The following CACNG3 variants were observed in gnomAD, a reference collection of about 807,000 sequenced individuals.
CACNG3 encodes the protein calcium voltage-gated channel auxiliary subunit gamma 3.
A neutral mutation model predicts 28.5 loss-of-function variants in CACNG3; 3 were observed. The ratio of observed to expected loss-of-function variants is 0.11; its 90% CI spans 0.05 to 0.27. The LOEUF (loss-of-function observed/expected upper bound fraction) is 0.27. Among genes scored for constraint, CACNG3 ranks in the 10% least tolerant of loss-of-function variants. The probability of loss-of-function intolerance (pLI) is 1.00; values close to 1 mark genes in which losing one functional copy is unlikely to be tolerated. For synonymous variants in CACNG3, 174 were observed against 162.2 expected, an observed-to-expected ratio of 1.07 and a Z score of -0.55; for missense variants, 236 against 414.4, an observed-to-expected ratio of 0.57 and a Z score of 3.74.
At chr16:24,327,420 A>ATGTGTGTGTG (rs1182421550) in intron 1 of CACNG3, among the ~76,000 whole-genome samples, 4 of 57,120 alleles carry the variant, frequency 7.0e-5, no homozygotes, top group African/African-American at 2.8e-4. Flanking sequence ...ACGAATATAT[A>ATGTGTGTGTG]TATGTGTGTG....
intron 2 of CACNG3, among the ~76,000 whole-genome samples, chr16:24,352,530 GTTGT>G (rs60365846): frequency 0.35 from 52,721 of 150,748 alleles, 10,778 homozygotes; most frequent in South Asian, 0.55. Flanking sequence ...TTTTGTTGTT[GTTGT>G]TTGTTTGTTT....
intron 1 of CACNG3, among the ~76,000 whole-genome samples, chr16:24,297,457 C>T (rs1899047043): frequency 6.6e-6 from 1 of 151,962 alleles, no homozygotes; most frequent in East Asian, 1.9e-4. Flanking sequence ...AACCAAAACC[C>T]TCTCACCTTA....
intron 1 of CACNG3, among the ~76,000 whole-genome samples, chr16:24,295,573 G>A (rs1899020917): frequency 6.6e-6 from 1 of 152,214 alleles, no homozygotes; most frequent in Non-Finnish European, 1.5e-5. Flanking sequence ...AATGCCAGGT[G>A]TGGTGGCTCA....
intron 1 of CACNG3, among the ~76,000 whole-genome samples, chr16:24,290,692 G>A (rs73554478): frequency 0.013 from 2,004 of 152,224 alleles, 38 homozygotes; most frequent in African/African-American, 0.046. Context: ...ACCTACCTTG[G>A]CCTCCCAAAG....
At chr16:24,360,875 C>A (rs991570848) in intron 3 of CACNG3, among the ~76,000 whole-genome samples, 6 of 152,194 alleles carry the variant, frequency 3.9e-5, no homozygotes, top group Admixed American at 3.9e-4. Context: ...GGTTCTTAGT[C>A]TTTCTCTCTC....
intron 1 of CACNG3, among the ~76,000 whole-genome samples, chr16:24,281,326 G>A (rs1468707575): frequency 6.6e-6 from 1 of 151,962 alleles, no homozygotes. Flanking sequence ...CTCTGGAGTA[G>A]CCAGGGAACT....
intron 1 of CACNG3, among the ~76,000 whole-genome samples, chr16:24,301,061 A>T (rs1899102791): frequency 6.6e-6 from 1 of 150,618 alleles, no homozygotes; most frequent in South Asian, 2.1e-4. Flanking sequence ...AAAAAAAAAA[A>T]TTAGTCTGGC....
intron 1 of CACNG3, among the ~76,000 whole-genome samples, chr16:24,286,774 G>A (rs1476341886): frequency 1.3e-5 from 2 of 152,194 alleles, no homozygotes; most frequent in South Asian, 2.1e-4. Context: ...TCAAAGTGAC[G>A]CAACTGGTAG....
intron 1 of CACNG3, among the ~76,000 whole-genome samples, chr16:24,297,987 C>CTG (rs55859502): frequency 0.02 from 3,005 of 149,142 alleles, 62 homozygotes; most frequent in African/African-American, 0.052. Context: ...TTCAAAAGAT[C>CTG]TGTGTGTGTG....
intron 1 of CACNG3, among the ~76,000 whole-genome samples, chr16:24,271,482 AC>A (rs1221247800): frequency 2.6e-5 from 4 of 152,100 alleles, no homozygotes; most frequent in Non-Finnish European, 5.9e-5. Context: ...CCCCTTCCCA[AC>A]TCACAGATTC....
intron 2 of CACNG3, among the ~76,000 whole-genome samples, chr16:24,350,028 A>G (rs1899920210): frequency 6.6e-6 from 1 of 151,260 alleles, no homozygotes; most frequent in Non-Finnish European, 1.5e-5. Context: ...ACTTAGCTCC[A>G]TATAGTTTGG....
chr16:24,281,777 C>CT (rs148874411), intron 1 of CACNG3, among the ~76,000 whole-genome samples: 1,590 of 152,288 alleles, frequency 0.01, 35 homozygotes, highest in African/African-American at 0.037. Flanking sequence ...AGCATGAATG[C>CT]TTTTTTCGTG....
intron 1 of CACNG3, among the ~76,000 whole-genome samples, chr16:24,263,131 A>T (rs1408694135): frequency 6.6e-6 from 1 of 152,228 alleles, no homozygotes; most frequent in Admixed American, 6.5e-5. Context: ...GAAAATGCAC[A>T]TAATTTTTTT....
intron 2 of CACNG3, among the ~76,000 whole-genome samples, chr16:24,349,300 G>C (rs796906813): frequency 5.9e-5 from 9 of 152,340 alleles, no homozygotes; most frequent in African/African-American, 2.2e-4. Flanking sequence ...TCCAGATCCA[G>C]CCCCAAGACA....
chr16:24,331,967 T>G (rs1000054266), intron 1 of CACNG3, among the ~76,000 whole-genome samples: 1 of 152,252 alleles, frequency 6.6e-6, no homozygotes, highest in Non-Finnish European at 1.5e-5. Flanking sequence ...CAGGGTTTAT[T>G]ATTTTCATGG....
At chr16:24,279,577 C>A (rs942852759) in intron 1 of CACNG3, among the ~76,000 whole-genome samples, 1 of 152,122 alleles carries the variant, frequency 6.6e-6, no homozygotes, top group African/African-American at 2.4e-5. Context: ...AGTGCTGGAA[C>A]TACAAGGGTG....
intron 1 of CACNG3, among the ~76,000 whole-genome samples, chr16:24,293,032 C>G (rs1415309487): frequency 6.6e-6 from 1 of 152,188 alleles, no homozygotes; most frequent in African/African-American, 2.4e-5. Flanking sequence ...ATCACAGACA[C>G]CTGACTCTTG....
chr16:24,295,380 G>A (rs1306445702), intron 1 of CACNG3, among the ~76,000 whole-genome samples: 3 of 152,188 alleles, frequency 2.0e-5, no homozygotes, highest in Non-Finnish European at 2.9e-5. Flanking sequence ...TGGTGCTGAT[G>A]GCGGCTAGAT....
intron 1 of CACNG3, among the ~76,000 whole-genome samples, chr16:24,316,095 G>A (rs1899348371): frequency 6.6e-6 from 1 of 151,816 alleles, no homozygotes; most frequent in African/African-American, 2.4e-5. Context: ...TTTCACAGAG[G>A]AGGAAGCTGA....
Sources: gnomAD v4.1 joint callset for allele counts (sites outside exome capture counted in the v4.1 genomes callset) on GRCh38, gnomAD v4.1.1 for gene constraint, MANE v1.5 for transcripts, NCBI Gene and HGNC (gene_info 2026-07-23, HGNC 2026-07-21) for gene names.